Variants in NAPB observed in about 807,000 individuals in gnomAD.
The protein encoded by NAPB is beta-soluble NSF attachment protein.
In NAPB, 26 loss-of-function variants were observed where a neutral mutation model predicts 44.7. The ratio of observed to expected loss-of-function variants is 0.58; its 90% confidence interval spans 0.43 to 0.81. The LOEUF (loss-of-function observed/expected upper bound fraction) is 0.81, where lower values mean the gene tolerates loss of function less well. Among genes scored for constraint, NAPB ranks in the 30% least tolerant of loss-of-function variants. The pLI is 0.00. For missense variants in NAPB, 315 were observed against 356.4 expected, an observed-to-expected ratio of 0.88 and a Z score of 0.94; for synonymous variants, 120 against 116.8, an observed-to-expected ratio of 1.03 and a Z score of -0.18.
In NAPB at chr20:23,379,482, G is replaced by T; in HGVS notation, c.749C>A (p.Ala250Asp). ...AGCTTCACTGTTCTGTTCTTCATGA[G>T]CTTCTAGGAGTTTCTGGTAGCATAA... ...ECKLLKKLLE[A>D]HEEQNSEAYT... Residue 250 changes from alanine (A) to aspartate (D), a missense_variant, in exon 10 of 11, where the codon GCT (alanine) becomes GAT (aspartate). Ala to Asp is a moderately radical substitution (Grantham distance 126, BLOSUM62 -2). Transcript: ENST00000377026. The T allele has an allele frequency of 6.2e-7, 1 of 1,608,292 alleles. No homozygotes were observed. Among genetic ancestry groups the T allele is most frequent in the Non-Finnish European group, 8.5e-7 (1 of 1,178,226 alleles).
At chr20:23,391,847 G>A (rs925997072) in intron 5 of NAPB, among the ~76,000 whole-genome samples, 3 of 152,192 alleles carry the variant, frequency 2.0e-5, no homozygotes, top group Admixed American at 2.0e-4. Flanking sequence ...GGGTTTGCAG[G>A]ATGCTTGAAT....
chr20:23,418,674 A>G (rs1228953404), intron 1 of NAPB, among the ~76,000 whole-genome samples: 1 of 151,806 alleles, frequency 6.6e-6, no homozygotes, highest in Non-Finnish European at 1.5e-5. Flanking sequence ...GTGCTGGCTC[A>G]CGTCTGTAAT....
At chr20:23,380,349 T>C (rs1360178131) in intron 8 of NAPB, among the ~76,000 whole-genome samples, 32 of 152,198 alleles carry the variant, frequency 2.1e-4, no homozygotes, top group Admixed American at 2.1e-3. Context: ...CTCCAGACAC[T>C]GGCCATGCCA....
At chr20:23,385,922 G>A (rs1449556711) in intron 7 of NAPB, among the ~76,000 whole-genome samples, 1 of 152,018 alleles carries the variant, frequency 6.6e-6, no homozygotes, top group Non-Finnish European at 1.5e-5. Context: ...ACCATATCTA[G>A]GCCATAAAAC....
chr20:23,408,181 C>G lies in NAPB; in HGVS notation c.99-5109G>C, dbSNP rs192871980. ...ATCAGGATGCCATGAAGGGGTGTGT[C>G]AAGCCACCCCAAAAGACTGAAAAGG... On this transcript the variant is annotated intron_variant, in intron 1 of 10. Coordinates refer to ENST00000377026, the MANE Select transcript of NAPB (RefSeq NM_022080.3). 2.6e-3 allele frequency among the ~76,000 whole-genome samples: 390 copies of G among 152,296 alleles called. 2 individuals are homozygous for G. The highest frequency in any genetic ancestry group is 8.9e-3 in the African/African-American group (368 of 41,580).
intron 1 of NAPB, among the ~76,000 whole-genome samples, chr20:23,404,888 C>T (rs1985124395): frequency 6.6e-6 from 1 of 152,156 alleles, no homozygotes; most frequent in Non-Finnish European, 1.5e-5. Context: ...GTGGAGAAAC[C>T]TTATATATGT....
chr20:23,411,910 C>T (rs1231817044), intron 1 of NAPB, among the ~76,000 whole-genome samples: 1 of 152,102 alleles, frequency 6.6e-6, no homozygotes, highest in Non-Finnish European at 1.5e-5. Context: ...CAATCATATA[C>T]TCGTCATTTT....
Position 23,381,194 on chromosome 20 carries a change from A to G in NAPB, c.666+19T>C, listed in dbSNP as rs1161193869. The G allele has an allele frequency of 3.2e-6, 5 of 1,545,140 alleles. No individual in the cohort carries two copies. Among genetic ancestry groups the G allele is most frequent in the Non-Finnish European group, 3.6e-6 (4 of 1,117,460 alleles). On this transcript the variant is annotated intron_variant, in intron 8 of 10. Coordinates refer to ENST00000377026, the MANE Select transcript of NAPB (RefSeq NM_022080.3). ...TCTTATGGGTGAAATCAGTCAATCA[A>G]TGCTGAAGAACTCCTTACCTTGGCA... is the stretch of plus-strand genomic sequence containing the variant.
intron 7 of NAPB, among the ~76,000 whole-genome samples, chr20:23,383,618 C>T (rs1983223558): frequency 6.6e-6 from 1 of 152,058 alleles, no homozygotes; most frequent in African/African-American, 2.4e-5. Flanking sequence ...GAAATGAAGG[C>T]AAAATCAAAA....
chr20:23,380,823 C>T (rs373503821), intron 8 of NAPB: 1 of 157,442 alleles, frequency 6.4e-6, no homozygotes, highest in South Asian at 1.7e-4. Context: ...CCACGCCTGG[C>T]CCCCTTAATT....
chr20:23,421,331 G>A lies in NAPB; in HGVS notation c.72C>T (p.Ser24=), dbSNP rs141875667. The change falls in exon 1 of 11, where the codon TCC becomes TCT. Residue 24 remains serine (S), a synonymous_variant. Coordinates refer to ENST00000377026, the MANE Select transcript of NAPB (RefSeq NM_022080.3). ...MAEAEKRVKA[S]HSFLRGLFGG... ...CAAACAGCCCTCGGAGGAAGGAGTGGGAGGCCTTGACTCGCTTCTCGGCCT... is the reference window on the plus strand; with the variant it reads ...CAAACAGCCCTCGGAGGAAGGAGTGAGAGGCCTTGACTCGCTTCTCGGCCT... 1.2e-4 allele frequency: 190 copies of A among 1,564,582 alleles called. 1 individual carries two copies. Among genetic ancestry groups the A allele is most frequent in the South Asian group, 3.4e-4 (29 of 85,246 alleles).
chr20:23,397,175 T>G lies in NAPB; in HGVS notation c.192A>C (p.Ala64=), dbSNP rs759729933. ...TGTGGAGCTTGGCTGCCTGACAAAATGCGTTTCCTGCAGCTGAAGAAGACA... is the reference window on the plus strand; with the variant it reads ...TGTGGAGCTTGGCTGCCTGACAAAAGGCGTTTCCTGCAGCTGAAGAAGACA... ...MAKNWSAAGN[A]FCQAAKLHMQ... is the part of the protein sequence containing the mutation. Residue 64 remains alanine (A), a synonymous_variant, in exon 3 of 11, where the codon GCA becomes GCC. Coordinates refer to ENST00000377026, the MANE Select transcript of NAPB (RefSeq NM_022080.3). The G allele has an allele frequency of 6.2e-7, 1 of 1,611,738 alleles. No individual in the cohort carries two copies. Among genetic ancestry groups the G allele is most frequent in the Non-Finnish European group, 8.5e-7 (1 of 1,178,284 alleles).
chr20:23,377,058 CAT>C lies in NAPB; in HGVS notation c.*316_*317del, dbSNP rs1459977824. 5.8e-6 allele frequency: 1 copy of C among 172,304 alleles called. No individual in the cohort carries two copies. Among genetic ancestry groups the C allele is most frequent in the African/African-American group, 2.4e-5 (1 of 42,440 alleles). 10.7% of individuals were successfully genotyped at this position (172,304 alleles called of 1,614,324 possible). A position where few individuals can be genotyped will look rare whatever the true frequency, so the allele number is the denominator to read the frequency against. Reference sequence around the variant, plus strand: ...GAGTACTCAAGTCCAACAAAAAGGACATAAAAACACGTGGCAACATTAAACAT... The same window carrying C: ...GAGTACTCAAGTCCAACAAAAAGGACAAAAACACGTGGCAACATTAAACAT... On this transcript the variant is annotated 3_prime_UTR_variant, in exon 11 of 11. Transcript: ENST00000377026.
At chr20:23,417,331 G>T (rs1255085633) in intron 1 of NAPB, among the ~76,000 whole-genome samples, 1 of 152,096 alleles carries the variant, frequency 6.6e-6, no homozygotes, top group Non-Finnish European at 1.5e-5. Flanking sequence ...TGATCCACCC[G>T]CCTCGGCCTC....
Position 23,377,237 on chromosome 20 carries a change from G to C in NAPB, c.*139C>G. 2.3e-6 allele frequency: 1 copy of C among 434,200 alleles called. No homozygotes were observed. The highest frequency in any genetic ancestry group is 3.4e-5 in the East Asian group (1 of 29,356). The allele number at this position is 434,200 out of a possible 1,614,324, so 26.9% of individuals were successfully genotyped here. On this transcript the variant is annotated 3_prime_UTR_variant, in exon 11 of 11. Coordinates refer to ENST00000377026, the MANE Select transcript of NAPB (RefSeq NM_022080.3). The stretch of plus-strand genomic sequence containing the variant: ...ATTCATTTCACAGCAACACAGACTT[G>C]GCGAGCTTAAACAATACACAGGCCG...
intron 2 of NAPB, among the ~76,000 whole-genome samples, chr20:23,399,192 AT>A (rs1323213254): frequency 6.6e-6 from 1 of 152,136 alleles, no homozygotes; most frequent in Non-Finnish European, 1.5e-5. Flanking sequence ...TTTGAAAAAT[AT>A]GTAACCACCA....
chr20:23,403,064 G>A lies in NAPB; in HGVS notation c.107C>T (p.Thr36Ile). ...SFLRGLFGGN[T>I]RIEEACEMYT... ...CATTTCACAAGCCTCTTCTATTCTTGTGTTTCCTCTGAGAAAAAGTTAAAA... is the reference window on the plus strand; with the variant it reads ...CATTTCACAAGCCTCTTCTATTCTTATGTTTCCTCTGAGAAAAAGTTAAAA... Residue 36 changes from threonine (T) to isoleucine (I), a missense_variant, in exon 2 of 11, where the codon ACA becomes ATA. Coordinates refer to ENST00000377026, the MANE Select transcript of NAPB (RefSeq NM_022080.3). 1 of 1,611,892 alleles carries A rather than the reference G, an allele frequency of 6.2e-7. No individual in the cohort carries two copies. Among genetic ancestry groups the A allele is most frequent in the Non-Finnish European group, 8.5e-7 (1 of 1,179,286 alleles).
At chr20:23,421,120 TG>T in intron 1 of NAPB, among the ~76,000 whole-genome samples, 184 bp downstream of exon 1, 1 of 148,538 alleles carries the variant, frequency 6.7e-6, no homozygotes, top group African/African-American at 2.5e-5. Context: ...CTGGGCGTCC[TG>T]GGGGCTCCAG....
intron 2 of NAPB, among the ~76,000 whole-genome samples, 177 bp from the exon 3 acceptor site, chr20:23,397,365 A>G (rs2123199878): frequency 6.6e-6 from 1 of 152,308 alleles, no homozygotes. Flanking sequence ...AACCAGAATC[A>G]AGTCAAACAG....
Sources: gnomAD v4.1 joint callset for allele counts (sites outside exome capture counted in the v4.1 genomes callset) on GRCh38, gnomAD v4.1.1 for gene constraint, MANE v1.5 for transcripts, NCBI Gene and HGNC (gene_info 2026-07-23, HGNC 2026-07-21) for gene names.